MRPL48: variants seen among roughly 807,000 people sequenced by gnomAD.
The protein encoded by MRPL48 is large ribosomal subunit protein mL48.
Under a neutral mutation model 32.9 loss-of-function variants are expected in MRPL48, and 16 were observed. The observed-to-expected ratio is 0.49, with a 90% CI of 0.33 to 0.74. MRPL48 has a LOEUF of 0.74. Ranked by LOEUF, MRPL48 falls within the 30% of genes least tolerant of loss-of-function variation. The pLI is 0.02. For synonymous variants in MRPL48, 94 were observed against 89.2 expected, an observed-to-expected ratio of 1.05 and a Z score of -0.31; for missense variants, 206 against 245.3, an observed-to-expected ratio of 0.84 and a Z score of 1.07.
At chr11:73,806,498 C>G (rs1199947931) in intron 2 of MRPL48, among the ~76,000 whole-genome samples, 1 of 152,122 alleles carries the variant, frequency 6.6e-6, no homozygotes, top group Non-Finnish European at 1.5e-5. Flanking sequence ...AATCTCTGTT[C>G]CTTTATACTT....
intron 2 of MRPL48, 103 bp downstream of exon 2, chr11:73,805,182 A>G: frequency 1.1e-6 from 1 of 922,402 alleles, no homozygotes. Flanking sequence ...GTCTATAAGC[A>G]CATCATGCAT....
chr11:73,856,256 T>C (rs1021489369), intron 5 of MRPL48, among the ~76,000 whole-genome samples: 2 of 152,200 alleles, frequency 1.3e-5, no homozygotes, highest in Admixed American at 6.5e-5. Flanking sequence ...ACTGTGGTAT[T>C]GTTAGGCAAT....
chr11:73,831,940 C>CAAAAA (rs4019304), intron 4 of MRPL48, among the ~76,000 whole-genome samples: 2 of 67,078 alleles, frequency 3.0e-5, no homozygotes, highest in African/African-American at 1.3e-4. Flanking sequence ...AACTCTGTCT[C>CAAAAA]AAAAAAAAAA....
intron 5 of MRPL48, among the ~76,000 whole-genome samples, chr11:73,851,885 A>C (rs1948396057): frequency 6.6e-6 from 1 of 151,910 alleles, no homozygotes; most frequent in Non-Finnish European, 1.5e-5. Flanking sequence ...ATTCTGGGAG[A>C]TATTAAGGGG....
intron 1 of MRPL48, among the ~76,000 whole-genome samples, chr11:73,789,761 C>G (rs2134916979): frequency 6.6e-6 from 1 of 152,296 alleles, no homozygotes; most frequent in South Asian, 2.1e-4. Flanking sequence ...TTCATTTACA[C>G]AATTTCATTT....
chr11:73,796,342 G>A (rs1947253753), intron 1 of MRPL48, among the ~76,000 whole-genome samples: 1 of 152,216 alleles, frequency 6.6e-6, no homozygotes, highest in Admixed American at 6.5e-5. Context: ...CCCTGCTGTC[G>A]ACACCAGCTC....
At chr11:73,857,725 G>A (rs1948511011) in intron 5 of MRPL48, among the ~76,000 whole-genome samples, 1 of 150,920 alleles carries the variant, frequency 6.6e-6, no homozygotes, top group Non-Finnish European at 1.5e-5. Flanking sequence ...CTCCTGCGTA[G>A]CTGGGATTAC....
intron 3 of MRPL48, among the ~76,000 whole-genome samples, chr11:73,813,426 G>A (rs1235348526): frequency 1.3e-5 from 2 of 152,014 alleles, no homozygotes; most frequent in Non-Finnish European, 2.9e-5. Flanking sequence ...CACCCACCTC[G>A]GCCTCCCAAA....
chr11:73,800,810 C>CTTTTTTTTTTT (rs1223951183), intron 1 of MRPL48, among the ~76,000 whole-genome samples: 1 of 132,870 alleles, frequency 7.5e-6, no homozygotes, highest in African/African-American at 2.8e-5. Context: ...TTTTCTTTTT[C>CTTTTTTTTTTT]TTTTTTTTTT....
intron 5 of MRPL48, among the ~76,000 whole-genome samples, chr11:73,849,501 T>A (rs1394361982): frequency 6.6e-6 from 1 of 152,236 alleles, no homozygotes; most frequent in Non-Finnish European, 1.5e-5. Flanking sequence ...ACAAATAAAA[T>A]CATATAGTAT....
chr11:73,809,364 C>T (rs1947526600), intron 3 of MRPL48, among the ~76,000 whole-genome samples: 4 of 151,518 alleles, frequency 2.6e-5, no homozygotes, highest in Admixed American at 1.3e-4. Context: ...ATTAGCCGGG[C>T]GTGGTGGCAC....
chr11:73,799,248 AG>A (rs1420794553), intron 1 of MRPL48, among the ~76,000 whole-genome samples: 1 of 152,072 alleles, frequency 6.6e-6, no homozygotes, highest in Non-Finnish European at 1.5e-5. Flanking sequence ...GCTACTTGGG[AG>A]GATGAGGCAG....
chr11:73,822,375 C>T (rs990344105), intron 3 of MRPL48, among the ~76,000 whole-genome samples: 3 of 152,098 alleles, frequency 2.0e-5, no homozygotes, highest in East Asian at 1.9e-4. Context: ...CTTAGTACAC[C>T]GTAAGGTGAT....
intron 4 of MRPL48, among the ~76,000 whole-genome samples, chr11:73,829,061 A>G (rs7931833): frequency 0.055 from 8,370 of 152,206 alleles, 258 homozygotes; most frequent in Middle Eastern, 0.11. Context: ...CTCCATTAAC[A>G]TGGTATAAAA....
At chr11:73,800,206 C>T (rs1273226307) in intron 1 of MRPL48, among the ~76,000 whole-genome samples, 1 of 149,106 alleles carries the variant, frequency 6.7e-6, no homozygotes, top group Non-Finnish European at 1.5e-5. Flanking sequence ...GCCAGGAGTT[C>T]GAGACAGCAT....
intron 5 of MRPL48, among the ~76,000 whole-genome samples, chr11:73,854,781 A>T (rs181220641): frequency 3.3e-5 from 5 of 152,366 alleles, no homozygotes; most frequent in African/African-American, 1.2e-4. Context: ...GAGTGAAAGC[A>T]GGAAGGCAGT....
At chr11:73,796,148 G>C (rs773493126) in intron 1 of MRPL48, among the ~76,000 whole-genome samples, 7 of 152,216 alleles carry the variant, frequency 4.6e-5, no homozygotes, top group African/African-American at 1.7e-4. Flanking sequence ...CGGTGCCCAA[G>C]TCATGGCTGT....
intron 3 of MRPL48, among the ~76,000 whole-genome samples, chr11:73,820,218 A>G (rs1417318094): frequency 6.6e-6 from 1 of 152,012 alleles, no homozygotes; most frequent in Non-Finnish European, 1.5e-5. Context: ...TCCGACCACT[A>G]CTCACGCTGG....
At chr11:73,797,726 G>A (rs886857155) in intron 1 of MRPL48, among the ~76,000 whole-genome samples, 6 of 152,246 alleles carry the variant, frequency 3.9e-5, no homozygotes, top group South Asian at 2.1e-4. Flanking sequence ...CTTGGCAGGC[G>A]TGGGACCCAG....
Sources: allele counts gnomAD v4.1 joint callset (sites outside exome capture counted in the v4.1 genomes callset), GRCh38; gene constraint gnomAD v4.1.1; transcripts MANE v1.5; gene names NCBI Gene and HGNC (gene_info 2026-07-23, HGNC 2026-07-21).